RBBP5: variants seen among roughly 807,000 people sequenced by gnomAD.
RBBP5 encodes RB binding protein 5, histone lysine methyltransferase complex subunit, also known as retinoblastoma-binding protein 5.
In RBBP5, 5 loss-of-function variants were observed where a neutral mutation model predicts 72.2. The observed-to-expected ratio is 0.07, with a 90% CI of 0.04 to 0.15. The LOEUF (loss-of-function observed/expected upper bound fraction) is 0.15, where lower values mean the gene tolerates loss of function less well. RBBP5 is among the 10% of genes least tolerant of loss of function. The pLI, the probability that RBBP5 is intolerant of heterozygous loss-of-function variation, is 1.00. For synonymous variants in RBBP5, 209 were observed against 237.2 expected (o/e 0.88, Z 1.09); for missense variants, 322 against 652.2 (o/e 0.49, Z 5.51).
intron 3 of RBBP5, 136 bp from the exon 4 acceptor site, chr1:205,105,304 C>G (rs1656011518): frequency 1.1e-6 from 1 of 922,528 alleles, no homozygotes; most frequent in Admixed American, 2.6e-5. Context: ...CACGTATACT[C>G]AAATCCATAA....
chr1:205,114,434 T>C (rs961888372), intron 3 of RBBP5, among the ~76,000 whole-genome samples: 1 of 152,218 alleles, frequency 6.6e-6, no homozygotes, highest in African/African-American at 2.4e-5. Context: ...TGGAATTCAG[T>C]AAACTGCACA....
chr1:205,105,850 A>G (rs1000713535), intron 3 of RBBP5, among the ~76,000 whole-genome samples: 2 of 152,252 alleles, frequency 1.3e-5, no homozygotes, highest in Admixed American at 1.3e-4. Context: ...CAGCCCAGCA[A>G]GACAGAAAAC....
In RBBP5 at chr1:205,119,196, C is replaced by A. The variant is rs548853210; in HGVS notation, c.19+2659G>T. Among the ~76,000 whole-genome samples the A allele has an allele frequency of 6.6e-5, 10 of 152,148 alleles. No individual in the cohort carries two copies. In the South Asian group the frequency reaches 1.0e-3, roughly 16 times the overall value. ...TCACTTGAGGTCAGGAGTTCCTGAC[C>A]AGGTTGGCCAACATGGTGAAACCCA... is the stretch of plus-strand genomic sequence containing the variant. On this transcript the variant is annotated intron_variant, in intron 1 of 13. Coordinates refer to ENST00000264515, the MANE Select transcript of RBBP5 (RefSeq NM_005057.4).
chr1:205,114,899 G>T lies in RBBP5; in HGVS notation c.108C>A (p.Gly36=). Residue 36 remains glycine, a synonymous_variant, in exon 3 of 14, where the codon GGC becomes GGA. Transcript: ENST00000264515. Reference sequence around the variant, plus strand: ...CATTACAGCCAACTGCAAGCAGTGTGCCCCACCTGTTAAAGGTGCAAGTCA... The same window carrying T: ...CATTACAGCCAACTGCAAGCAGTGTTCCCCACCTGTTAAAGGTGCAAGTCA... The part of the protein sequence containing the change: ...MALTCTFNRW[G]TLLAVGCNDG... The T allele has an allele frequency of 6.3e-7, 1 of 1,591,014 alleles. No homozygotes were observed. The highest frequency in any genetic ancestry group is 1.7e-4 in the Middle Eastern group (1 of 6,016).
chr1:205,089,152 G>A (rs1655240605), intron 13 of RBBP5, among the ~76,000 whole-genome samples: 1 of 152,174 alleles, frequency 6.6e-6, no homozygotes, highest in African/African-American at 2.4e-5. Context: ...AGTGCAATGA[G>A]GAGAGGAGAA....
intron 1 of RBBP5, among the ~76,000 whole-genome samples, chr1:205,119,502 T>C (rs1185398253): frequency 6.6e-6 from 1 of 152,230 alleles, no homozygotes; most frequent in Non-Finnish European, 1.5e-5. Context: ...TTCAAAGTAC[T>C]AGCGTTATCA....
At chr1:205,104,892 G>T (rs1345891686) in intron 4 of RBBP5, 136 bp downstream of exon 4, 2 of 1,030,436 alleles carry the variant, frequency 1.9e-6, no homozygotes, top group Non-Finnish European at 2.8e-6. Flanking sequence ...AACCTAGATG[G>T]AAAGATTATT....
chr1:205,088,751 G>A lies in RBBP5; in HGVS notation c.*36C>T, dbSNP rs1351510735. The A allele has an allele frequency of 1.3e-6, 2 of 1,572,806 alleles. No homozygotes were observed. The highest frequency in any genetic ancestry group is 1.7e-6 in the Non-Finnish European group (2 of 1,149,072). On this transcript the variant is annotated 3_prime_UTR_variant, in exon 14 of 14. Transcript: ENST00000264515. ...CCACAGTGTCCAGAGGCCACATGATGGCAAAGTGAGAAAGAATGAAGAACT... is the reference window on the plus strand; with the variant it reads ...CCACAGTGTCCAGAGGCCACATGATAGCAAAGTGAGAAAGAATGAAGAACT...
At chr1:205,093,482 ATATATATAT>A (rs1655460342) in intron 13 of RBBP5, among the ~76,000 whole-genome samples, 11 of 5,840 alleles carry the variant, frequency 1.9e-3, no homozygotes, top group Admixed American at 4.4e-3. Context: ...AAAAAAAAAT[ATATATATAT>A]ATATATATAT....
chr1:205,095,959 G>A (rs952072882), intron 12 of RBBP5, among the ~76,000 whole-genome samples: 10 of 152,246 alleles, frequency 6.6e-5, no homozygotes, highest in East Asian at 3.9e-4. Context: ...TAGGGAGGCC[G>A]AGGCAGGCGG....
chr1:205,098,956 T>C (rs1693630165), intron 10 of RBBP5, 33 bp downstream of exon 10: 7 of 1,355,852 alleles, frequency 5.2e-6, no homozygotes, highest in African/African-American at 1.5e-5. Context: ...ATTTTCCCTT[T>C]AGGAAATCCT....
At chr1:205,100,886 G>A (rs1655791739) in intron 6 of RBBP5, among the ~76,000 whole-genome samples, 1 of 152,194 alleles carries the variant, frequency 6.6e-6, no homozygotes, top group Non-Finnish European at 1.5e-5. Flanking sequence ...GGATGATACT[G>A]TTCCACCTCA....
In RBBP5 at chr1:205,096,812, T is replaced by C; in HGVS notation, c.1266A>G (p.Ala422=). Residue 422 remains alanine (A), a synonymous_variant, in exon 12 of 14, where the codon GCA becomes GCG. Transcript: ENST00000264515. The part of the protein sequence containing the change: ...EENPYGPPPD[A]VQTSLMDEGA... ...CTTCATCCATCAAGGAGGTTTGGAC[T>C]GCATCCGGTGGGGGGCCGTAAGGAT... 3 of 1,614,176 alleles carry C rather than the reference T, an allele frequency of 1.9e-6. No homozygotes were observed. The highest frequency in any genetic ancestry group is 2.5e-6 in the Non-Finnish European group (3 of 1,180,034).
intron 4 of RBBP5, among the ~76,000 whole-genome samples, chr1:205,104,271 C>T (rs1005268614): frequency 6.6e-6 from 1 of 152,012 alleles, no homozygotes; most frequent in African/African-American, 2.4e-5. Flanking sequence ...CCTGTAATCC[C>T]AGCACTTTGG....
rs767402413 is a variant in RBBP5, at chr1:205,099,156, A to G, written c.979-50T>C. On this transcript the variant is annotated intron_variant, in intron 9 of 13. Transcript: ENST00000264515. The surrounding 1 kb of genome is among the most constrained non-coding windows in gnomAD (Gnocchi z 4.7). The stretch of plus-strand genomic sequence containing the variant: ...ACCATATGTGAAAGCAATAATCTGT[A>G]ATCTACACATTAATGATAAAATGAA... 2 of 1,038,196 alleles carry G rather than the reference A, an allele frequency of 1.9e-6. No homozygotes were observed. Among genetic ancestry groups the G allele is most frequent in the East Asian group, 5.4e-5 (2 of 36,760 alleles). The allele number at this position is 1,038,196 out of a possible 1,614,324, so 64.3% of individuals were successfully genotyped here.
rs74774268 is a variant in RBBP5, at chr1:205,116,413, A to T, written c.20-530T>A. The T allele has an allele frequency of 7.7e-3, 1,920 of 249,604 alleles. 46 individuals carry two copies. Among genetic ancestry groups the T allele is most frequent in the African/African-American group, 0.041 (1,829 of 44,120 alleles). The allele number at this position is 249,604 out of a possible 1,614,324, so 15.5% of individuals were successfully genotyped here. A position where few individuals can be genotyped will look rare whatever the true frequency, so the allele number is the denominator to read the frequency against. ...GGACCCTCTACTTCTTAAAAGTATA[A>T]TAGGATCCTGATACTAAAAAGTTTG... On this transcript the variant is annotated intron_variant, in intron 1 of 13. Coordinates refer to ENST00000264515, the MANE Select transcript of RBBP5 (RefSeq NM_005057.4).
chr1:205,108,596 CA>C (rs1019728609), intron 3 of RBBP5, among the ~76,000 whole-genome samples: 2 of 151,932 alleles, frequency 1.3e-5, no homozygotes, highest in African/African-American at 4.8e-5. Context: ...AGGCAGGAAA[CA>C]AAAACAAAAA....
At position 205,101,590 on chromosome 1, in the gene RBBP5, T is replaced by C; in HGVS notation, c.632+10A>G. 6.3e-7 allele frequency: 1 copy of C among 1,586,748 alleles called. No homozygotes were observed. Among genetic ancestry groups the C allele is most frequent in the Non-Finnish European group, 8.6e-7 (1 of 1,158,548 alleles). On this transcript the variant is annotated intron_variant, in intron 6 of 13. Coordinates refer to ENST00000264515, the MANE Select transcript of RBBP5 (RefSeq NM_005057.4). ...TAAAACTGTCCCTTAAAAGGTAAGA[T>C]CTCACTCACCTCCCCTTCCGGGCAA...
In RBBP5 at chr1:205,087,255, G is replaced by A. The variant is rs1052910557; in HGVS notation, c.*1532C>T. 6.7e-6 allele frequency: 1 copy of A among 149,990 alleles called. No individual in the cohort carries two copies. Among genetic ancestry groups the A allele is most frequent in the Non-Finnish European group, 1.5e-5 (1 of 67,698 alleles). 9.3% of individuals were successfully genotyped at this position (149,990 alleles called of 1,614,324 possible). On this transcript the variant is annotated 3_prime_UTR_variant, in exon 14 of 14. Transcript: ENST00000264515. ...TCTGTCACCTAGGCTGGAGGGCAGT[G>A]GTGCGATCTCCACTCACTGCAACCT...
Sources: gnomAD v4.1 joint callset for allele counts (sites outside exome capture counted in the v4.1 genomes callset) on GRCh38, gnomAD v4.1.1 for gene constraint, Gnocchi (gnomAD v3.1) non-coding constraint, MANE v1.5 for transcripts, NCBI Gene and HGNC (gene_info 2026-07-23, HGNC 2026-07-21) for gene names.